Variants in TCERG1 observed in about 807,000 individuals in gnomAD.
TCERG1 encodes the protein TATA box binding protein (TBP)-associated factor, RNA polymerase II, S, 150kD.
TCERG1 carries 37 observed loss-of-function variants against 144.7 expected under a neutral mutation model. That is an observed-to-expected ratio of 0.26 (90% CI 0.20 to 0.34). The LOEUF (loss-of-function observed/expected upper bound fraction) is 0.34, where lower values mean the gene tolerates loss of function less well. Among genes scored for constraint, TCERG1 ranks in the 10% least tolerant of loss-of-function variants. The pLI, the probability that TCERG1 is intolerant of heterozygous loss-of-function variation, is 1.00. For missense variants in TCERG1, 1,027 were observed against 1,380.7 expected (o/e 0.74, Z 4.06); for synonymous variants, 492 against 458.2 (o/e 1.07, Z -0.94).
chr5:146,455,231 A>T lies in TCERG1; in HGVS notation c.235A>T (p.Met79Leu). 1.9e-6 allele frequency: 3 copies of T among 1,614,166 alleles called. No individual in the cohort carries two copies. Among genetic ancestry groups the T allele is most frequent in the Non-Finnish European group, 2.5e-6 (3 of 1,180,028 alleles). The change falls in exon 2 of 23, where the codon ATG becomes TTG. Residue 79 changes from methionine (M) to leucine (L), a missense_variant. Physicochemically the swap from Met to Leu is conservative, Grantham distance 15 (BLOSUM62 2). Coordinates refer to ENST00000679501, the MANE Select transcript of TCERG1 (RefSeq NM_001382548.1). ...RPPFDPNMPPMPPPGGIPPPM... is the reference protein window; with the variant it reads ...RPPFDPNMPPLPPPGGIPPPM... ...TCCTTTTGATCCTAATATGCCGCCA[A>T]TGCCTCCTCCAGGAGGGATACCTCC...
intron 1 of TCERG1, among the ~76,000 whole-genome samples, chr5:146,451,564 C>T (rs1359118717): frequency 6.6e-6 from 1 of 151,732 alleles, no homozygotes; most frequent in African/African-American, 2.4e-5. Context: ...CTCAGGTGAT[C>T]CACCTGCCTT....
Position 146,507,987 on chromosome 5 carries a change from C to A in TCERG1, c.3045+31C>A, listed in dbSNP as rs1292440225. The A allele has an allele frequency of 2.0e-6, 3 of 1,533,018 alleles. No individual in the cohort carries two copies. Among genetic ancestry groups the A allele is most frequent in the South Asian group, 1.2e-5 (1 of 84,642 alleles). 95.0% of individuals were successfully genotyped at this position (1,533,018 alleles called of 1,614,324 possible). A position where few individuals can be genotyped will look rare whatever the true frequency, so the allele number is the denominator to read the frequency against. ...AGGATTTTGTGTCGAGATTTACTGT[C>A]AGTCTATAAATACTTAAATCGGGGC... On this transcript the variant is annotated intron_variant, in intron 21 of 22. Coordinates refer to ENST00000679501, the MANE Select transcript of TCERG1 (RefSeq NM_001382548.1). The surrounding 1 kb of genome is among the most constrained non-coding windows in gnomAD (Gnocchi z 4.6).
At chr5:146,451,582 C>T (rs1440654945) in intron 1 of TCERG1, among the ~76,000 whole-genome samples, 1 of 151,754 alleles carries the variant, frequency 6.6e-6, no homozygotes, top group African/African-American at 2.4e-5. Flanking sequence ...CTTGGCTTCC[C>T]AAAGTGCTAG....
rs752342392 is a variant in TCERG1, at chr5:146,458,943, G to C, written c.498G>C (p.Lys166Asn). ...ESAWTKPDGV[K>N]VIQQSELTPM... Reference sequence around the variant, plus strand: ...CATGGACCAAGCCAGATGGAGTTAAGGTTATTCAGCAATCAGAACTGACAC... The same window carrying C: ...CATGGACCAAGCCAGATGGAGTTAACGTTATTCAGCAATCAGAACTGACAC... Residue 166 changes from lysine (K) to asparagine (N), a missense_variant, in exon 4 of 23, where the codon AAG becomes AAC. This residue lies in a region of TCERG1 where 48 missense variants were observed against 80.9 expected (regional missense o/e 0.59). Coordinates refer to ENST00000679501, the MANE Select transcript of TCERG1 (RefSeq NM_001382548.1). 1.9e-6 allele frequency: 3 copies of C among 1,614,116 alleles called. No individual in the cohort carries two copies. The highest frequency in any genetic ancestry group is 2.5e-6 in the Non-Finnish European group (3 of 1,180,052).
At chr5:146,479,815 G>A (rs1340078599) in intron 10 of TCERG1, 40 bp from the exon 11 acceptor site, 8 of 1,607,096 alleles carry the variant, frequency 5.0e-6, no homozygotes, top group African/African-American at 2.7e-5. Context: ...TGAAATATAT[G>A]CAAATGACTT....
intron 9 of TCERG1, among the ~76,000 whole-genome samples, chr5:146,476,400 A>G (rs1764840846): frequency 6.6e-6 from 1 of 152,174 alleles, no homozygotes; most frequent in Non-Finnish European, 1.5e-5. Flanking sequence ...AACAATACCA[A>G]AACTATCACT....
At chr5:146,508,002 T>G in intron 21 of TCERG1, 46 bp downstream of exon 21, 1 of 1,420,904 alleles carries the variant, frequency 7.0e-7, no homozygotes, top group Non-Finnish European at 9.8e-7. Flanking sequence ...TATAAATACT[T>G]AAATCGGGGC....
At chr5:146,468,234 TG>T (rs1763969591) in intron 5 of TCERG1, 106 bp from the exon 6 acceptor site, 4 of 912,172 alleles carry the variant, frequency 4.4e-6, no homozygotes, top group Non-Finnish European at 6.3e-6. Flanking sequence ...TCTTTTTCAT[TG>T]GAAATAGCAT....
At chr5:146,463,927 T>A in intron 5 of TCERG1, 134 bp downstream of exon 5, 1 of 1,231,028 alleles carries the variant, frequency 8.1e-7, no homozygotes, top group Non-Finnish European at 1.1e-6. Context: ...GATTCATGGC[T>A]AACTGCAATA....
At chr5:146,494,291 C>G (rs1368698410) in intron 16 of TCERG1, among the ~76,000 whole-genome samples, 1 of 152,086 alleles carries the variant, frequency 6.6e-6, no homozygotes, top group Non-Finnish European at 1.5e-5. Flanking sequence ...GCTTTACTCT[C>G]AGGAGTTGCA....
intron 22 of TCERG1, among the ~76,000 whole-genome samples, chr5:146,509,515 G>A (rs1015345843): frequency 3.1e-4 from 40 of 129,696 alleles, no homozygotes; most frequent in African/African-American, 1.1e-3. Flanking sequence ...TTACTTCACC[G>A]CTTTTTTTAG....
intron 10 of TCERG1, among the ~76,000 whole-genome samples, chr5:146,479,179 C>T (rs753780648): frequency 2.0e-5 from 3 of 151,852 alleles, no homozygotes; most frequent in Non-Finnish European, 4.4e-5. Flanking sequence ...GATATTTGTA[C>T]GTAATTTTTG....
intron 15 of TCERG1, among the ~76,000 whole-genome samples, chr5:146,492,277 C>T (rs972103777): frequency 6.6e-6 from 1 of 152,074 alleles, no homozygotes; most frequent in Non-Finnish European, 1.5e-5. Flanking sequence ...TTCTTGACTG[C>T]TAGGTTATGT....
chr5:146,499,720 A>T (rs1485832183), intron 17 of TCERG1: 1 of 152,206 alleles, frequency 6.6e-6, no homozygotes, highest in Non-Finnish European at 1.5e-5. Flanking sequence ...ATTTTGTATG[A>T]TTGCTTTTAT....
chr5:146,473,741 A>G (rs1764564045), intron 9 of TCERG1, among the ~76,000 whole-genome samples: 1 of 152,318 alleles, frequency 6.6e-6, no homozygotes, highest in Middle Eastern at 3.4e-3. Flanking sequence ...ATAACAGCAT[A>G]TCTGTTGATA....
chr5:146,452,544 T>C (rs1272464686), intron 1 of TCERG1, among the ~76,000 whole-genome samples: 3 of 152,212 alleles, frequency 2.0e-5, no homozygotes, highest in African/African-American at 4.8e-5. Context: ...ACACAATTCC[T>C]ACTCTGAAGG....
chr5:146,447,445 G>T (rs990440693), intron 1 of TCERG1, 37 bp downstream of exon 1: 1 of 1,595,830 alleles, frequency 6.3e-7, no homozygotes, highest in Non-Finnish European at 8.5e-7. Context: ...CTCTGCTCAC[G>T]AGAGCCCCAG....
At chr5:146,489,334 A>G (rs770396909) in intron 15 of TCERG1, among the ~76,000 whole-genome samples, 1 of 152,146 alleles carries the variant, frequency 6.6e-6, no homozygotes, top group Non-Finnish European at 1.5e-5. Flanking sequence ...AATATGTACA[A>G]TTATTATTTG....
intron 4 of TCERG1, among the ~76,000 whole-genome samples, chr5:146,462,303 AATTC>A (rs1763405972): frequency 1.3e-5 from 2 of 152,180 alleles, no homozygotes; most frequent in African/African-American, 4.8e-5. Context: ...TCATTTGACA[AATTC>A]ATTCTTAGTC....
Sources: allele counts gnomAD v4.1 joint callset (sites outside exome capture counted in the v4.1 genomes callset), GRCh38; gene constraint gnomAD v4.1.1; regional missense constraint gnomAD v4.1.1; non-coding constraint Gnocchi (gnomAD v3.1); transcripts MANE v1.5; gene names NCBI Gene and HGNC (gene_info 2026-07-23, HGNC 2026-07-21).